The following LTBP1 variants were observed in gnomAD, a reference collection of about 807,000 sequenced individuals.
LTBP1 encodes the protein latent-transforming growth factor beta-binding protein 1.
LTBP1 carries 129 observed loss-of-function variants against 207.6 expected under a neutral mutation model. The observed-to-expected ratio is 0.62, with a 90% CI of 0.54 to 0.72. The LOEUF (loss-of-function observed/expected upper bound fraction) is 0.72, where lower values mean the gene tolerates loss of function less well. Among genes scored for constraint, LTBP1 ranks in the 30% least tolerant of loss-of-function variants. The pLI, the probability that LTBP1 is intolerant of heterozygous loss-of-function variation, is 0.00. For missense variants in LTBP1, 2,281 were observed against 2,217.2 expected (o/e 1.03, Z -0.58); for synonymous variants, 963 against 833.7 (o/e 1.16, Z -2.67).
intron 2 of LTBP1, among the ~76,000 whole-genome samples, chr2:32,975,435 T>G (rs557478938): frequency 7.9e-4 from 121 of 152,262 alleles, no homozygotes; most frequent in African/African-American, 2.6e-3. Flanking sequence ...CTAGTGAGGT[T>G]AGGGAAATTT....
At chr2:33,077,120 G>A (rs1454098847) in intron 3 of LTBP1, among the ~76,000 whole-genome samples, 1 of 152,066 alleles carries the variant, frequency 6.6e-6, no homozygotes, top group East Asian at 1.9e-4. Flanking sequence ...GTGTAAGAGG[G>A]CCACACGGCT....
At chr2:33,217,699 C>G (rs937211022) in intron 8 of LTBP1, 45 bp downstream of exon 8, 3 of 1,385,796 alleles carry the variant, frequency 2.2e-6, no homozygotes, top group Non-Finnish European at 3.1e-6. Context: ...TGTAGCATAT[C>G]TGTTTTTTAT....
At chr2:33,379,402 G>T (rs1002961978) in intron 31 of LTBP1, among the ~76,000 whole-genome samples, 1 of 151,730 alleles carries the variant, frequency 6.6e-6, no homozygotes, top group Non-Finnish European at 1.5e-5. Context: ...TTAGAGAGAG[G>T]GTTTTACCTT....
At chr2:33,196,241 G>A (rs1345852653) in intron 7 of LTBP1, among the ~76,000 whole-genome samples, 3 of 152,174 alleles carry the variant, frequency 2.0e-5, no homozygotes, top group South Asian at 4.1e-4. Context: ...ACTCTTGAGC[G>A]GTTCATATGC....
At chr2:33,370,492 T>C (rs1044736422) in intron 31 of LTBP1, among the ~76,000 whole-genome samples, 7 of 152,336 alleles carry the variant, frequency 4.6e-5, no homozygotes, top group Admixed American at 2.6e-4. Context: ...AAGCTGCTGC[T>C]GCTGCTGCTG....
intron 9 of LTBP1, among the ~76,000 whole-genome samples, chr2:33,237,400 G>A (rs771661515): frequency 2.3e-4 from 35 of 152,258 alleles, no homozygotes; most frequent in Middle Eastern, 6.8e-3. Context: ...GGGTAAAATT[G>A]CTCTAGAACA....
At chr2:33,279,400 A>T (rs999042789) in intron 18 of LTBP1, among the ~76,000 whole-genome samples, 1 of 152,204 alleles carries the variant, frequency 6.6e-6, no homozygotes, top group Non-Finnish European at 1.5e-5. Flanking sequence ...TCAGTTAGCT[A>T]TGAATATGAA....
chr2:33,186,452 G>A, intron 5 of LTBP1, among the ~76,000 whole-genome samples: 1 of 152,048 alleles, frequency 6.6e-6, no homozygotes, highest in East Asian at 1.9e-4. Context: ...ACACTACCAG[G>A]CCATACATAC....
chr2:33,346,133 A>T (rs112850708), intron 25 of LTBP1, among the ~76,000 whole-genome samples: 33 of 152,310 alleles, frequency 2.2e-4, no homozygotes, highest in Admixed American at 6.5e-4. Context: ...GAATTTGAAA[A>T]GGTGTCATGA....
At chr2:33,158,868 A>G (rs1487053600) in intron 5 of LTBP1, among the ~76,000 whole-genome samples, 14 of 152,348 alleles carry the variant, frequency 9.2e-5, no homozygotes, top group African/African-American at 2.9e-4. Context: ...AGCTGTGATG[A>G]CAAAAAAGTT....
At chr2:33,200,966 G>A (rs972279584) in intron 7 of LTBP1, among the ~76,000 whole-genome samples, 2 of 152,200 alleles carry the variant, frequency 1.3e-5, no homozygotes, top group Non-Finnish European at 2.9e-5. Flanking sequence ...TCATTAAAAA[G>A]TCAGGAAACA....
intron 5 of LTBP1, among the ~76,000 whole-genome samples, chr2:33,148,721 G>C (rs144971424): frequency 6.6e-6 from 1 of 152,100 alleles, no homozygotes; most frequent in African/African-American, 2.4e-5. Context: ...GAAATATTTG[G>C]TTCACACTCA....
intron 2 of LTBP1, among the ~76,000 whole-genome samples, chr2:33,012,283 G>A (rs1246186932): frequency 6.6e-6 from 1 of 152,130 alleles, no homozygotes; most frequent in Non-Finnish European, 1.5e-5. Context: ...GGGGTGGGGG[G>A]GGCTTCACAC....
At chr2:33,221,029 C>A (rs1214334762) in intron 8 of LTBP1, among the ~76,000 whole-genome samples, 6 of 152,184 alleles carry the variant, frequency 3.9e-5, no homozygotes, top group Non-Finnish European at 5.9e-5. Context: ...TTATTTTCTA[C>A]TTTCCCCTTT....
intron 2 of LTBP1, among the ~76,000 whole-genome samples, chr2:32,957,104 G>T (rs1678202639): frequency 6.6e-6 from 1 of 152,146 alleles, no homozygotes; most frequent in Non-Finnish European, 1.5e-5. Flanking sequence ...ATTCTTAAGG[G>T]CCCTGAGATT....
chr2:33,098,661 A>G (rs1442871132), intron 3 of LTBP1, among the ~76,000 whole-genome samples: 3 of 151,496 alleles, frequency 2.0e-5, no homozygotes, highest in Non-Finnish European at 2.9e-5. Flanking sequence ...CTGGTCTCGA[A>G]CTCCTGACCT....
intron 5 of LTBP1, among the ~76,000 whole-genome samples, chr2:33,168,835 C>G (rs6543691): frequency 0.55 from 84,003 of 152,030 alleles, 23,382 homozygotes; most frequent in Middle Eastern, 0.61. Context: ...TAATTTCCAA[C>G]TCATAGTGAT....
chr2:33,110,177 A>T (rs190036594), intron 3 of LTBP1, among the ~76,000 whole-genome samples: 5 of 152,280 alleles, frequency 3.3e-5, no homozygotes, highest in Non-Finnish European at 5.9e-5. Flanking sequence ...TCCAGCCTCA[A>T]ACTCCTGGGC....
chr2:33,091,815 G>C (rs1249761157), intron 3 of LTBP1, among the ~76,000 whole-genome samples: 2 of 152,110 alleles, frequency 1.3e-5, no homozygotes, highest in Non-Finnish European at 2.9e-5. Flanking sequence ...TCTGCCTCCT[G>C]AGCTCTTCCA....
Sources: allele counts gnomAD v4.1 joint callset (sites outside exome capture counted in the v4.1 genomes callset), GRCh38; gene constraint gnomAD v4.1.1; transcripts MANE v1.5; gene names NCBI Gene and HGNC (gene_info 2026-07-23, HGNC 2026-07-21).